The following TCF7L1 variants were observed in gnomAD, a reference collection of about 807,000 sequenced individuals.
TCF7L1 encodes the protein transcription factor 7 like 1.
TCF7L1 carries 18 observed loss-of-function variants against 63.7 expected under a neutral mutation model. The ratio of observed to expected loss-of-function variants is 0.28; its 90% confidence interval spans 0.20 to 0.42. The LOEUF is 0.42. TCF7L1 is among the 10% of genes least tolerant of loss of function. TCF7L1 has a pLI of 1.00. For missense variants in TCF7L1, 654 were observed against 779.3 expected, an observed-to-expected ratio of 0.84 and a Z score of 1.91; for synonymous variants, 355 against 340.9, an observed-to-expected ratio of 1.04 and a Z score of -0.46.
chr2:85,305,547 C>A, intron 8 of TCF7L1, 144 bp downstream of exon 8: 1 of 1,024,204 alleles, frequency 9.8e-7, no homozygotes, highest in Non-Finnish European at 1.4e-6. Context: ...GGCCCTCCCT[C>A]TTCCTCGGGA....
At chr2:85,268,438 G>A (rs1016804111) in intron 3 of TCF7L1, among the ~76,000 whole-genome samples, 6 of 151,704 alleles carry the variant, frequency 4.0e-5, no homozygotes, top group Admixed American at 6.6e-5. Context: ...GCTTAAGGCC[G>A]TGGGGACCCA....
chr2:85,222,858 T>A (rs2104302984), intron 3 of TCF7L1, among the ~76,000 whole-genome samples: 1 of 152,242 alleles, frequency 6.6e-6, no homozygotes, highest in African/African-American at 2.4e-5. Flanking sequence ...TTTTAAAAAA[T>A]TTTCTGCTTT....
intron 3 of TCF7L1, among the ~76,000 whole-genome samples, chr2:85,238,178 A>G (rs1305497525): frequency 6.6e-6 from 1 of 152,164 alleles, no homozygotes; most frequent in Non-Finnish European, 1.5e-5. Context: ...CTATTCACTA[A>G]CAGTCCATAA....
chr2:85,170,680 G>A (rs1678527554), intron 3 of TCF7L1, among the ~76,000 whole-genome samples: 2 of 152,036 alleles, frequency 1.3e-5, no homozygotes, highest in Non-Finnish European at 1.5e-5. Flanking sequence ...AAAGATCTTA[G>A]TACCCGGACA....
intron 3 of TCF7L1, among the ~76,000 whole-genome samples, chr2:85,275,183 C>T (rs987399917): frequency 7.2e-5 from 11 of 152,176 alleles, no homozygotes; most frequent in African/African-American, 2.7e-4. Flanking sequence ...AGTCCAGGCC[C>T]CTGCTTCAGG....
intron 3 of TCF7L1, among the ~76,000 whole-genome samples, chr2:85,205,642 C>G (rs1324726491): frequency 6.6e-6 from 1 of 152,058 alleles, no homozygotes; most frequent in Non-Finnish European, 1.5e-5. Context: ...AGCGATCCTC[C>G]CACCTCAGCC....
chr2:85,166,207 G>A (rs1488212409), intron 3 of TCF7L1, among the ~76,000 whole-genome samples: 1 of 152,226 alleles, frequency 6.6e-6, no homozygotes, highest in Non-Finnish European at 1.5e-5. Context: ...GAGCCCCAGA[G>A]TATTTGGAGT....
At chr2:85,296,395 A>G (rs1681840503) in intron 4 of TCF7L1, among the ~76,000 whole-genome samples, 1 of 152,188 alleles carries the variant, frequency 6.6e-6, no homozygotes, top group African/African-American at 2.4e-5. Flanking sequence ...CCAGAATGTC[A>G]CTGCACTAAA....
At chr2:85,295,633 T>C (rs1681824897) in intron 4 of TCF7L1, among the ~76,000 whole-genome samples, 1 of 152,182 alleles carries the variant, frequency 6.6e-6, no homozygotes. Context: ...TCTCTCTGTT[T>C]TTTCTTTTCT....
At chr2:85,246,156 T>C (rs1049628708) in intron 3 of TCF7L1, among the ~76,000 whole-genome samples, 4 of 152,206 alleles carry the variant, frequency 2.6e-5, no homozygotes, top group Non-Finnish European at 5.9e-5. Context: ...AAATCATGCA[T>C]TGGGAAAAAA....
At chr2:85,282,695 C>A (rs532369408) in intron 3 of TCF7L1, among the ~76,000 whole-genome samples, 1 of 152,022 alleles carries the variant, frequency 6.6e-6, no homozygotes, top group East Asian at 1.9e-4. Context: ...GCTCCGGAGC[C>A]CAGAAGGGCC....
chr2:85,196,342 A>G (rs988203938), intron 3 of TCF7L1, among the ~76,000 whole-genome samples: 5 of 152,144 alleles, frequency 3.3e-5, no homozygotes, highest in African/African-American at 9.7e-5. Flanking sequence ...GGATCCTCCC[A>G]CCTCAACATC....
At chr2:85,147,859 C>T (rs1259791511) in intron 3 of TCF7L1, among the ~76,000 whole-genome samples, 1 of 152,086 alleles carries the variant, frequency 6.6e-6, no homozygotes, top group East Asian at 1.9e-4. Flanking sequence ...TGCGACTGGA[C>T]TTTAAATGGG....
chr2:85,282,137 G>A (rs540397303), intron 3 of TCF7L1, among the ~76,000 whole-genome samples: 11 of 152,074 alleles, frequency 7.2e-5, no homozygotes, highest in South Asian at 2.1e-4. Context: ...ATAGTCCTGC[G>A]CCACCACACC....
intron 4 of TCF7L1, among the ~76,000 whole-genome samples, chr2:85,289,988 T>C (rs987839920): frequency 2.0e-5 from 3 of 146,564 alleles, no homozygotes; most frequent in African/African-American, 5.0e-5. Context: ...TTTTTTTTTT[T>C]TTTCTCCGAG....
intron 3 of TCF7L1, among the ~76,000 whole-genome samples, chr2:85,280,358 C>G (rs1284280793): frequency 1.3e-5 from 2 of 152,154 alleles, no homozygotes; most frequent in Non-Finnish European, 2.9e-5. Context: ...CTGAGAAACC[C>G]TGCACTACAG....
At chr2:85,238,899 T>A (rs1243902895) in intron 3 of TCF7L1, among the ~76,000 whole-genome samples, 8 of 151,972 alleles carry the variant, frequency 5.3e-5, no homozygotes, top group Middle Eastern at 3.4e-3. Flanking sequence ...CACTCACTGC[T>A]GACTCCGCCT....
chr2:85,276,709 G>A (rs769186772), intron 3 of TCF7L1, among the ~76,000 whole-genome samples: 9 of 152,166 alleles, frequency 5.9e-5, no homozygotes, highest in South Asian at 2.1e-4. Context: ...CTAAGCTCAC[G>A]GCATTAATAC....
At chr2:85,239,141 G>A (rs1680264913) in intron 3 of TCF7L1, among the ~76,000 whole-genome samples, 1 of 152,220 alleles carries the variant, frequency 6.6e-6, no homozygotes, top group South Asian at 2.1e-4. Flanking sequence ...GAAAAGAGAT[G>A]GAAGGAAGGG....
Sources: allele counts gnomAD v4.1 joint callset (sites outside exome capture counted in the v4.1 genomes callset), GRCh38; gene constraint gnomAD v4.1.1; transcripts MANE v1.5; gene names NCBI Gene and HGNC (gene_info 2026-07-23, HGNC 2026-07-21).